The following DENND2B variants were observed in gnomAD, a reference collection of about 807,000 sequenced individuals.
DENND2B encodes DENN domain-containing protein 2B.
Under a neutral mutation model 116.0 loss-of-function variants are expected in DENND2B, and 32 were observed. That is an observed-to-expected ratio of 0.28 (90% CI 0.21 to 0.37). The LOEUF (loss-of-function observed/expected upper bound fraction) is 0.37, where lower values mean the gene tolerates loss of function less well. Ranked by LOEUF, DENND2B falls within the 10% of genes least tolerant of loss-of-function variation. The pLI, the probability that DENND2B is intolerant of heterozygous loss-of-function variation, is 1.00. For synonymous variants in DENND2B, 588 were observed against 583.9 expected, an observed-to-expected ratio of 1.01 and a Z score of -0.10; for missense variants, 1,276 against 1,477.7, an observed-to-expected ratio of 0.86 and a Z score of 2.24.
intron 3 of DENND2B, chr11:8,845,248 T>C (rs1463827907): frequency 1.3e-5 from 2 of 152,182 alleles, no homozygotes; most frequent in African/African-American, 2.4e-5. Context: ...CATAAATAAC[T>C]AAACAGAAGT....
At position 8,782,804 on chromosome 11, in the gene DENND2B, A is replaced by G. The variant is rs1362506503; in HGVS notation, c.-26+27713T>C. Among the ~76,000 whole-genome samples, 3 of 149,716 alleles carry G rather than the reference A, an allele frequency of 2.0e-5. No individual in the cohort carries two copies. The Admixed American group carries it at 2.0e-4, about 10-fold the overall frequency. On this transcript the variant is annotated intron_variant, in intron 1 of 19. Coordinates refer to ENST00000313726, the MANE Select transcript of DENND2B (RefSeq NM_213618.2). ...CGGGAGGCTGAGGCAGGAGAATGGC[A>G]TGAACCCAGGAAGCAGAGCTTGCAG... is the stretch of plus-strand genomic sequence containing the variant.
chr11:8,868,520 A>G (rs2063663701), intron 2 of DENND2B, among the ~76,000 whole-genome samples: 1 of 152,194 alleles, frequency 6.6e-6, no homozygotes, highest in Admixed American at 6.5e-5. Context: ...TTAGTCTGAG[A>G]GCCAGGCATT....
At chr11:8,751,391 G>A (rs550066493) in intron 1 of DENND2B, among the ~76,000 whole-genome samples, 79 of 152,280 alleles carry the variant, frequency 5.2e-4, no homozygotes, top group African/African-American at 1.8e-3. Flanking sequence ...AAAGCAGGCT[G>A]CCCAAGCCAG....
chr11:8,788,070 C>T (rs1038922936), intron 1 of DENND2B, among the ~76,000 whole-genome samples: 1 of 152,080 alleles, frequency 6.6e-6, no homozygotes, highest in Non-Finnish European at 1.5e-5. Flanking sequence ...GGGAAGTGGT[C>T]GCCAGCAGCA....
chr11:8,761,095 T>G (rs375822941), intron 1 of DENND2B, among the ~76,000 whole-genome samples: 1 of 152,232 alleles, frequency 6.6e-6, no homozygotes, highest in Admixed American at 6.5e-5. Flanking sequence ...TGCCAGATGG[T>G]CCTTCTCCAC....
intron 1 of DENND2B, among the ~76,000 whole-genome samples, chr11:8,907,618 TG>T (rs2064254855): frequency 6.6e-6 from 1 of 152,218 alleles, no homozygotes; most frequent in Non-Finnish European, 1.5e-5. Flanking sequence ...TGTTAAATTC[TG>T]AGAAAATGTA....
At chr11:8,695,397 A>T in intron 19 of DENND2B, 66 bp downstream of exon 19, 1 of 1,445,534 alleles carries the variant, frequency 6.9e-7, no homozygotes, top group Non-Finnish European at 9.7e-7. Flanking sequence ...AGTATTCGGG[A>T]ACACAAATCT....
chr11:8,775,307 C>T (rs1467110785), intron 1 of DENND2B, among the ~76,000 whole-genome samples: 1 of 152,020 alleles, frequency 6.6e-6, no homozygotes, highest in Non-Finnish European at 1.5e-5. Context: ...CTTAAAAAAA[C>T]AAAAAACTCT....
intron 2 of DENND2B, among the ~76,000 whole-genome samples, chr11:8,736,847 C>T (rs1399960648): frequency 6.6e-6 from 1 of 152,212 alleles, no homozygotes; most frequent in Non-Finnish European, 1.5e-5. Context: ...CTTGGGCTTA[C>T]ACTCTCAAGA....
rs1193230128 is a variant in DENND2B at position 8,715,598 on chromosome 11, G to A, written c.1845+5C>T. 6.2e-7 allele frequency: 1 copy of A among 1,611,332 alleles called. No individual in the cohort carries two copies. The highest frequency in any genetic ancestry group is 2.2e-5 in the East Asian group (1 of 44,826). The stretch of plus-strand genomic sequence containing the variant: ...GCTCCAGTGGGCTGCCTCTGGGGAG[G>A]GTACCTTGGGAATGCGGCGGGCCCG... On this transcript the variant is annotated splice_donor_5th_base_variant and intron_variant, in intron 6 of 19. Transcript: ENST00000313726.
chr11:8,748,809 G>A (rs954460194), intron 2 of DENND2B, among the ~76,000 whole-genome samples: 2 of 152,126 alleles, frequency 1.3e-5, no homozygotes, highest in African/African-American at 4.8e-5. Flanking sequence ...ACACTTAGAA[G>A]TAAGTAGGCA....
chr11:8,902,800 T>G (rs1211254682), intron 1 of DENND2B, among the ~76,000 whole-genome samples: 1 of 152,224 alleles, frequency 6.6e-6, no homozygotes, highest in Non-Finnish European at 1.5e-5. Flanking sequence ...TTGTGTTTCT[T>G]GTAGACAGAC....
chr11:8,903,839 T>G (rs1320119223), intron 1 of DENND2B, among the ~76,000 whole-genome samples: 1 of 138,880 alleles, frequency 7.2e-6, no homozygotes, highest in African/African-American at 2.7e-5. Flanking sequence ...TAGTGAGCTG[T>G]GATTATGCCA....
At chr11:8,734,374 G>C (rs947618380) in intron 2 of DENND2B, among the ~76,000 whole-genome samples, 5 of 151,946 alleles carry the variant, frequency 3.3e-5, no homozygotes, top group African/African-American at 1.2e-4. Flanking sequence ...GAGAGGGTAA[G>C]AACATCACAG....
At chr11:8,770,888 G>C (rs1038849704) in intron 1 of DENND2B, among the ~76,000 whole-genome samples, 2 of 152,086 alleles carry the variant, frequency 1.3e-5, no homozygotes, top group African/African-American at 4.8e-5. Flanking sequence ...CTCCATACTT[G>C]TGTGCACAGG....
intron 1 of DENND2B, among the ~76,000 whole-genome samples, chr11:8,902,542 C>G (rs1387334239): frequency 2.0e-5 from 3 of 152,114 alleles, no homozygotes; most frequent in Non-Finnish European, 4.4e-5. Context: ...TTCTTGTCTT[C>G]AAGTCTATTT....
chr11:8,787,543 AGAG>A (rs1259221548), intron 1 of DENND2B, among the ~76,000 whole-genome samples: 5 of 152,220 alleles, frequency 3.3e-5, no homozygotes, highest in African/African-American at 1.2e-4. Flanking sequence ...ACATAGCCTA[AGAG>A]GAGAACTTTT....
chr11:8,892,497 T>G (rs963660658), intron 1 of DENND2B, among the ~76,000 whole-genome samples: 7 of 151,778 alleles, frequency 4.6e-5, no homozygotes, highest in Non-Finnish European at 8.8e-5. Context: ...GATAGACCAC[T>G]AGCAAGACTA....
At chr11:8,837,929 G>A (rs2062492076) in intron 4 of DENND2B, among the ~76,000 whole-genome samples, 1 of 152,160 alleles carries the variant, frequency 6.6e-6, no homozygotes, top group Non-Finnish European at 1.5e-5. Flanking sequence ...GGTGGAAGGT[G>A]GGAAGAAGAA....
Sources: gnomAD v4.1 joint callset for allele counts (sites outside exome capture counted in the v4.1 genomes callset) on GRCh38, gnomAD v4.1.1 for gene constraint, MANE v1.5 for transcripts, NCBI Gene and HGNC (gene_info 2026-07-23, HGNC 2026-07-21) for gene names.